The following CLVS1 variants were observed in gnomAD, a reference collection of about 807,000 sequenced individuals.
CLVS1 encodes clavesin 1.
Under a neutral mutation model 33.1 loss-of-function variants are expected in CLVS1, and 10 were observed. The ratio of observed to expected loss-of-function variants is 0.30; its 90% CI spans 0.19 to 0.51. CLVS1 has a LOEUF of 0.51. Ranked by LOEUF, CLVS1 falls within the 20% of genes least tolerant of loss-of-function variation. The probability of loss-of-function intolerance (pLI) is 0.97; values close to 1 mark genes in which losing one functional copy is unlikely to be tolerated. For synonymous variants in CLVS1, 163 were observed against 166.1 expected (o/e 0.98, Z 0.14); for missense variants, 343 against 433.4 (o/e 0.79, Z 1.85).
chr8:61,101,620 G>C (rs1805451829), intron 1 of CLVS1, among the ~76,000 whole-genome samples: 1 of 152,000 alleles, frequency 6.6e-6, no homozygotes, highest in Non-Finnish European at 1.5e-5. Context: ...TTTTAACTTT[G>C]ATGATGTCTG....
At chr8:61,299,576 C>T (rs559273492) in intron 1 of CLVS1, 101 bp from the exon 2 acceptor site, 5 of 445,806 alleles carry the variant, frequency 1.1e-5, no homozygotes, top group African/African-American at 4.0e-5. Context: ...ATCAGACCCA[C>T]AGCCTAATAT....
chr8:61,325,581 T>C (rs1811353570), intron 2 of CLVS1, among the ~76,000 whole-genome samples: 1 of 152,200 alleles, frequency 6.6e-6, no homozygotes, highest in Admixed American at 6.5e-5. Flanking sequence ...TAGACTTCTC[T>C]GTATTTTAGG....
At chr8:61,294,734 A>T (rs534385626) in intron 1 of CLVS1, among the ~76,000 whole-genome samples, 37 of 135,878 alleles carry the variant, frequency 2.7e-4, no homozygotes, top group African/African-American at 1.1e-3. Flanking sequence ...CCTTTTCCTG[A>T]TATATTGTAT....
intron 2 of CLVS1, among the ~76,000 whole-genome samples, chr8:61,328,525 C>G (rs923229751): frequency 6.6e-6 from 1 of 151,994 alleles, no homozygotes; most frequent in African/African-American, 2.4e-5. Flanking sequence ...TTGCCTTGCC[C>G]AGTCTTTTTT....
chr8:60,972,001 C>T, the CLVS1 span, among the ~76,000 whole-genome samples: 8 of 152,284 alleles, frequency 5.3e-5, no homozygotes, highest in South Asian at 8.3e-4. Context: ...TTGGTAAGCT[C>T]GGCTGGGTGG....
At chr8:61,001,749 C>T in the CLVS1 span, among the ~76,000 whole-genome samples, 1 of 152,240 alleles carries the variant, frequency 6.6e-6, no homozygotes, top group Non-Finnish European at 1.5e-5. Flanking sequence ...GTATCCCAAG[C>T]TCCGGCTAAA....
At chr8:61,303,943 A>AG (rs1345203612) in intron 2 of CLVS1, among the ~76,000 whole-genome samples, 1 of 152,224 alleles carries the variant, frequency 6.6e-6, no homozygotes, top group Non-Finnish European at 1.5e-5. Context: ...AATTGCAACC[A>AG]GGGGCTGGAG....
intron 5 of CLVS1, among the ~76,000 whole-genome samples, chr8:61,480,573 G>A (rs1383667760): frequency 1.3e-5 from 2 of 152,102 alleles, no homozygotes; most frequent in African/African-American, 4.8e-5. Context: ...CATGCATGGT[G>A]TGCTGCACCC....
At chr8:61,254,396 G>A (rs148863810) in intron 2 of CLVS1, among the ~76,000 whole-genome samples, 1,522 of 151,684 alleles carry the variant, frequency 0.01, 33 homozygotes, top group African/African-American at 0.034. Context: ...CAGTCTGTCC[G>A]TTCTCATATC....
At chr8:61,150,058 A>T (rs1806496944) in intron 2 of CLVS1, among the ~76,000 whole-genome samples, 1 of 148,170 alleles carries the variant, frequency 6.7e-6, no homozygotes, top group Non-Finnish European at 1.5e-5. Context: ...AGCTTTGGGA[A>T]AGTCAATTTT....
At chr8:61,177,208 C>T (rs1290661287) in intron 2 of CLVS1, among the ~76,000 whole-genome samples, 1 of 152,210 alleles carries the variant, frequency 6.6e-6, no homozygotes, top group Non-Finnish European at 1.5e-5. Context: ...AACACACCGG[C>T]TGTGGCAGAC....
At chr8:61,144,124 A>G (rs1044551911) in intron 2 of CLVS1, among the ~76,000 whole-genome samples, 8 of 151,998 alleles carry the variant, frequency 5.3e-5, no homozygotes, top group African/African-American at 1.9e-4. Context: ...ATAGGTATAC[A>G]CATCCCATGG....
intron 1 of CLVS1, chr8:61,131,678 T>C (rs1163370096): frequency 1.3e-5 from 2 of 152,148 alleles, no homozygotes; most frequent in Non-Finnish European, 2.9e-5. Flanking sequence ...CCAGTTTTTT[T>C]TTTTTTCTTT....
chr8:61,313,115 A>T (rs574395530), intron 2 of CLVS1, among the ~76,000 whole-genome samples: 5 of 152,066 alleles, frequency 3.3e-5, no homozygotes, highest in Non-Finnish European at 4.4e-5. Flanking sequence ...CTTCATTCTT[A>T]TAATGTGGGG....
the CLVS1 span, among the ~76,000 whole-genome samples, chr8:61,038,598 T>C: frequency 6.6e-6 from 1 of 152,028 alleles, no homozygotes; most frequent in Middle Eastern, 3.2e-3. Context: ...AGATTCTGGA[T>C]TTCCAGGAAG....
intron 3 of CLVS1, among the ~76,000 whole-genome samples, chr8:61,389,702 C>T (rs1301607939): frequency 1.3e-5 from 2 of 152,194 alleles, no homozygotes; most frequent in African/African-American, 4.8e-5. Flanking sequence ...ATATGACATG[C>T]ACAGCCATGA....
At position 61,287,987 on chromosome 8, in the gene CLVS1, C is replaced by A; in HGVS notation, c.-303C>A. On this transcript the variant is annotated 5_prime_UTR_variant, in exon 1 of 6. Coordinates refer to ENST00000325897, the MANE Select transcript of CLVS1 (RefSeq NM_173519.3). ...GCGCACACGCCTCCTACCAAAATCA[C>A]AGCCCCTTGTGGAGCCCGAGCTCTC... 1 of 402,146 alleles carries A rather than the reference C, an allele frequency of 2.5e-6. No individual in the cohort carries two copies. The highest frequency in any genetic ancestry group is 1.9e-5 in the South Asian group (1 of 54,052). 24.9% of individuals were successfully genotyped at this position (402,146 alleles called of 1,614,324 possible). A position where few individuals can be genotyped will look rare whatever the true frequency, so the allele number is the denominator to read the frequency against.
chr8:61,233,878 G>A (rs4301447), intron 2 of CLVS1, among the ~76,000 whole-genome samples: 97,889 of 152,226 alleles, frequency 0.64, 34,314 homozygotes, highest in East Asian at 0.97. Context: ...ACCTCATCCC[G>A]GGGAATGGGA....
chr8:61,305,364 T>C (rs1237680215), intron 2 of CLVS1, among the ~76,000 whole-genome samples: 1 of 152,012 alleles, frequency 6.6e-6, no homozygotes, highest in African/African-American at 2.4e-5. Flanking sequence ...TAACCACCAA[T>C]CTACTCTCTA....
Sources: gnomAD v4.1 joint callset for allele counts (sites outside exome capture counted in the v4.1 genomes callset) on GRCh38, gnomAD v4.1.1 for gene constraint, MANE v1.5 for transcripts, NCBI Gene and HGNC (gene_info 2026-07-23, HGNC 2026-07-21) for gene names.